The following EYS variants were observed in gnomAD, a reference collection of about 807,000 sequenced individuals.
EYS encodes the protein protein eyes shut homolog.
In EYS, 250 loss-of-function variants were observed where a neutral mutation model predicts 282.1. The observed-to-expected ratio is 0.89, with a 90% confidence interval of 0.80 to 0.98. The LOEUF (loss-of-function observed/expected upper bound fraction) is 0.98, where lower values mean the gene tolerates loss of function less well. EYS is among the 50% of genes least tolerant of loss of function. The pLI is 0.00. For missense variants in EYS, 4,016 were observed against 3,709.0 expected, an observed-to-expected ratio of 1.08 and a Z score of -2.15; for synonymous variants, 1,355 against 1,282.9, an observed-to-expected ratio of 1.06 and a Z score of -1.20.
At chr6:63,996,403 T>C (rs920770785) in intron 34 of EYS, among the ~76,000 whole-genome samples, 1 of 152,078 alleles carries the variant, frequency 6.6e-6, no homozygotes, top group Non-Finnish European at 1.5e-5. Flanking sequence ...GTGTATATAA[T>C]TAACAGTAAT....
At chr6:65,407,087 G>A (rs1255731372) in intron 5 of EYS, among the ~76,000 whole-genome samples, 2 of 151,918 alleles carry the variant, frequency 1.3e-5, no homozygotes, top group African/African-American at 2.4e-5. Context: ...AATTCCAATC[G>A]ATGAATATGC....
chr6:63,841,486 G>A (rs1476685587), intron 36 of EYS, among the ~76,000 whole-genome samples: 1 of 151,996 alleles, frequency 6.6e-6, no homozygotes, highest in East Asian at 1.9e-4. Context: ...GTGAACTTTG[G>A]GATTAAATGA....
At chr6:64,041,861 T>C (rs1350158539) in intron 33 of EYS, among the ~76,000 whole-genome samples, 1 of 152,206 alleles carries the variant, frequency 6.6e-6, no homozygotes, top group Admixed American at 6.5e-5. Flanking sequence ...GGTCTGTATG[T>C]CAGCTGGAAT....
At chr6:64,881,419 T>C (rs921522430) in intron 19 of EYS, among the ~76,000 whole-genome samples, 24 of 152,032 alleles carry the variant, frequency 1.6e-4, no homozygotes, top group African/African-American at 5.5e-4. Flanking sequence ...TTTTAGCCAC[T>C]GTATTTTAAT....
chr6:64,676,381 G>A (rs901432314), intron 22 of EYS, among the ~76,000 whole-genome samples: 7 of 149,368 alleles, frequency 4.7e-5, no homozygotes, highest in African/African-American at 1.7e-4. Context: ...AAGAGGGAGA[G>A]AGAGCAAGAA....
intron 5 of EYS, among the ~76,000 whole-genome samples, chr6:65,442,306 G>T (rs927368940): frequency 6.6e-6 from 1 of 151,866 alleles, no homozygotes; most frequent in Non-Finnish European, 1.5e-5. Context: ...TATTGATTTT[G>T]ATTATTGGGT....
chr6:64,311,931 A>T (rs1209412427), intron 29 of EYS, among the ~76,000 whole-genome samples: 1 of 151,474 alleles, frequency 6.6e-6, no homozygotes, highest in East Asian at 1.9e-4. Context: ...GGTTTCAAGC[A>T]CAAAACTGGG....
At position 64,752,130 on chromosome 6, in the gene EYS, C is replaced by T. The variant is rs959916423; in HGVS notation, c.3443+61248G>A. Among the ~76,000 whole-genome samples the T allele has an allele frequency of 1.1e-4, 16 of 152,150 alleles. 1 individual carries two copies. The highest frequency in any genetic ancestry group is 5.9e-4 in the Admixed American group (9 of 15,278). On this transcript the variant is annotated intron_variant, in intron 22 of 42. Coordinates refer to ENST00000503581, the MANE Select transcript of EYS (RefSeq NM_001142800.2). ...TACAAGCCCTCAAAGGTTACTCTAA[C>T]TCTTCAGCAATGGATCCTAACCAAA...
intron 24 of EYS, among the ~76,000 whole-genome samples, chr6:64,599,679 G>A (rs1355353415): frequency 6.6e-6 from 1 of 152,056 alleles, no homozygotes; most frequent in Non-Finnish European, 1.5e-5. Context: ...TTAAAGAAAA[G>A]CAGTGTTATC....
At chr6:65,029,838 G>A (rs1403967112) in intron 13 of EYS, among the ~76,000 whole-genome samples, 1 of 152,196 alleles carries the variant, frequency 6.6e-6, no homozygotes, top group African/African-American at 2.4e-5. Context: ...TGAATGGGGA[G>A]CAATCTGGAA....
intron 31 of EYS, among the ~76,000 whole-genome samples, chr6:64,195,040 T>A (rs1765240243): frequency 6.6e-6 from 1 of 152,100 alleles, no homozygotes; most frequent in Non-Finnish European, 1.5e-5. Context: ...AATTCTACAT[T>A]TTACTTCTTT....
At chr6:64,110,299 A>G (rs1395600994) in intron 31 of EYS, among the ~76,000 whole-genome samples, 1 of 152,026 alleles carries the variant, frequency 6.6e-6, no homozygotes, top group Admixed American at 6.6e-5. Flanking sequence ...ATATATGTAT[A>G]TGTATGTATG....
At chr6:64,692,438 T>A (rs1450687461) in intron 22 of EYS, among the ~76,000 whole-genome samples, 1 of 152,192 alleles carries the variant, frequency 6.6e-6, no homozygotes, top group Non-Finnish European at 1.5e-5. Flanking sequence ...ACTGTTTATA[T>A]CTTTTGCTGC....
At chr6:65,254,644 T>C (rs1234996101) in intron 12 of EYS, among the ~76,000 whole-genome samples, 1 of 151,886 alleles carries the variant, frequency 6.6e-6, no homozygotes, top group African/African-American at 2.4e-5. Flanking sequence ...TCAGTATAGA[T>C]TTTCATATTC....
At chr6:64,930,837 A>T (rs1047273074) in intron 15 of EYS, among the ~76,000 whole-genome samples, 1 of 152,182 alleles carries the variant, frequency 6.6e-6, no homozygotes, top group Non-Finnish European at 1.5e-5. Flanking sequence ...AAAGAGCCAG[A>T]TGCTGTTGGC....
intron 1 of EYS, among the ~76,000 whole-genome samples, chr6:65,688,311 T>G (rs895917479): frequency 2.6e-5 from 4 of 152,088 alleles, no homozygotes; most frequent in African/African-American, 7.2e-5. Flanking sequence ...TTGACAAGGC[T>G]GACAAAAACA....
chr6:64,835,770 A>G (rs1287534693), intron 19 of EYS, among the ~76,000 whole-genome samples: 1 of 151,714 alleles, frequency 6.6e-6, no homozygotes, highest in Non-Finnish European at 1.5e-5. Context: ...TGTACATATT[A>G]TAACAAATTT....
intron 35 of EYS, among the ~76,000 whole-genome samples, chr6:63,954,959 G>T (rs1765751781): frequency 6.6e-6 from 1 of 152,012 alleles, no homozygotes. Flanking sequence ...TACTCCTCAG[G>T]GATTGTTCAG....
At chr6:64,562,447 A>C (rs915074250) in intron 26 of EYS, among the ~76,000 whole-genome samples, 13 of 151,946 alleles carry the variant, frequency 8.6e-5, no homozygotes, top group Non-Finnish European at 1.8e-4. Flanking sequence ...AAAGTTTAAA[A>C]GTATTCAAGA....
Sources: gnomAD v4.1 joint callset for allele counts (sites outside exome capture counted in the v4.1 genomes callset) on GRCh38, gnomAD v4.1.1 for gene constraint, MANE v1.5 for transcripts, NCBI Gene and HGNC (gene_info 2026-07-23, HGNC 2026-07-21) for gene names.